Variants in SIRPA observed in about 807,000 individuals in gnomAD.
SIRPA encodes the protein signal regulatory protein alpha.
A neutral mutation model predicts 50.3 loss-of-function variants in SIRPA; 9 were observed. That is an observed-to-expected ratio of 0.18 (90% CI 0.11 to 0.31). The LOEUF (loss-of-function observed/expected upper bound fraction) is 0.31, where lower values mean the gene tolerates loss of function less well. SIRPA is among the 10% of genes least tolerant of loss of function. The probability of loss-of-function intolerance (pLI) is 1.00; values close to 1 mark genes in which losing one functional copy is unlikely to be tolerated. For synonymous variants in SIRPA, 265 were observed against 284.1 expected (o/e 0.93, Z 0.68); for missense variants, 474 against 661.6 (o/e 0.72, Z 3.11).
rs373689728 is a variant in SIRPA at position 1,937,624 on chromosome 20, G to A, written c.*56G>A. ...TCTACGCGCTTTCTTGTCCCACAGGGAGCCGCCGTGATGAGCACAGCCAAC... is the reference window on the plus strand; with the variant it reads ...TCTACGCGCTTTCTTGTCCCACAGGAAGCCGCCGTGATGAGCACAGCCAAC... On this transcript the variant is annotated 3_prime_UTR_variant, in exon 8 of 8. Transcript: ENST00000358771. This position sits in a 1 kb window ranked among gnomAD's most constrained non-coding sequence, Gnocchi z 8.3. 1.3e-6 allele frequency: 2 copies of A among 1,584,928 alleles called. No homozygotes were observed. Among genetic ancestry groups the A allele is most frequent in the East Asian group, 4.5e-5 (2 of 44,498 alleles).
chr20:1,904,165 C>T (rs114009384), intron 1 of SIRPA, among the ~76,000 whole-genome samples: 2,446 of 152,268 alleles, frequency 0.016, 71 homozygotes, highest in African/African-American at 0.055. Context: ...CCCTGCCCAT[C>T]AAGCTGTCAT....
At position 1,937,396 on chromosome 20, in the gene SIRPA, A is replaced by G; in HGVS notation, c.1343A>G (p.Asn448Ser). Reference sequence around the variant, plus strand: ...CCTGCTCCCCAGGCTGCGGAGCCCAACAACCACACGGAGTATGCCAGCATT... The same window carrying G: ...CCTGCTCCCCAGGCTGCGGAGCCCAGCAACCACACGGAGTATGCCAGCATT... Reference protein sequence around the residue: ...KKPAPQAAEPNNHTEYASIQT... With the variant: ...KKPAPQAAEPSNHTEYASIQT... The change falls in exon 8 of 8, where the codon AAC becomes AGC. Residue 448 changes from asparagine to serine, a missense_variant. This residue lies in a region of SIRPA where 180 missense variants were observed against 206.7 expected (regional missense o/e 0.87). Coordinates refer to ENST00000358771, the MANE Select transcript of SIRPA (RefSeq NM_001040023.2). This position sits in a 1 kb window ranked among gnomAD's most constrained non-coding sequence, Gnocchi z 8.3. 1.2e-6 allele frequency: 2 copies of G among 1,614,112 alleles called. No homozygotes were observed. The highest frequency in any genetic ancestry group is 2.2e-5 in the East Asian group (1 of 44,856).
chr20:1,895,665 A>G, intron 1 of SIRPA, 139 bp downstream of exon 1: 1 of 645,560 alleles, frequency 1.5e-6, no homozygotes, highest in Non-Finnish European at 2.3e-6. Context: ...ATAGATGCAG[A>G]AACTGAGGCC....
At position 1,934,491 on chromosome 20, in the gene SIRPA, A is replaced by G. The variant is rs41277148; in HGVS notation, c.1227-224A>G. 8.4e-3 allele frequency among the ~76,000 whole-genome samples: 1,273 copies of G among 152,292 alleles called. 5 individuals are homozygous for G. Among genetic ancestry groups the G allele is most frequent in the Non-Finnish European group, 0.014 (978 of 68,030 alleles). ...TTATAATTTTTAAAGATCCTTGCCA[A>G]TAGAGTAGGTTAAAAAAATGATAGT... is the stretch of plus-strand genomic sequence containing the variant. On this transcript the variant is annotated intron_variant, in intron 6 of 7. Transcript: ENST00000358771. This position sits in a 1 kb window ranked among gnomAD's most constrained non-coding sequence, Gnocchi z 4.6.
chr20:1,927,812 TA>T lies in SIRPA; in HGVS notation c.1202-62del. Reference sequence around the variant, plus strand: ...TGGAGGCAAACCTTTTGCCAAAAAATAGTTACATAAGAAAAGTGTGCTTCTA... The same window carrying T: ...TGGAGGCAAACCTTTTGCCAAAAAATGTTACATAAGAAAAGTGTGCTTCTA... On this transcript the variant is annotated intron_variant, in intron 5 of 7. Coordinates refer to ENST00000358771, the MANE Select transcript of SIRPA (RefSeq NM_001040023.2). This position sits in a 1 kb window ranked among gnomAD's most constrained non-coding sequence, Gnocchi z 6.5. The T allele has an allele frequency of 1.3e-6, 2 of 1,531,648 alleles. No individual in the cohort carries two copies. Among genetic ancestry groups the T allele is most frequent in the Non-Finnish European group, 1.8e-6 (2 of 1,104,840 alleles). The allele number at this position is 1,531,648 out of a possible 1,614,324, so 94.9% of individuals were successfully genotyped here.
rs1047034369 is a variant in SIRPA, at chr20:1,906,695, C to A, written c.80-8404C>A. Among the ~76,000 whole-genome samples, 7 of 152,090 alleles carry A rather than the reference C, an allele frequency of 4.6e-5. No homozygotes were observed. The East Asian group carries it at 1.4e-3, about 29-fold the overall frequency. On this transcript the variant is annotated intron_variant, in intron 1 of 7. Coordinates refer to ENST00000358771, the MANE Select transcript of SIRPA (RefSeq NM_001040023.2). ...GGGAGGGTTTTGCACAAAGGAGGAA[C>A]GTCACCTGACTTAGGTTTTAGAGGC...
intron 6 of SIRPA, among the ~76,000 whole-genome samples, chr20:1,929,906 G>A (rs1184900544): frequency 6.6e-6 from 1 of 152,044 alleles, no homozygotes; most frequent in Admixed American, 6.5e-5. Flanking sequence ...TGGGCCCCTT[G>A]TGGTCCAGTT....
At chr20:1,925,261 A>C (rs1424197818) in intron 5 of SIRPA, among the ~76,000 whole-genome samples, 1 of 152,214 alleles carries the variant, frequency 6.6e-6, no homozygotes, top group Non-Finnish European at 1.5e-5. Flanking sequence ...TTACATGACC[A>C]GTCCCTGGAC....
intron 2 of SIRPA, among the ~76,000 whole-genome samples, chr20:1,915,735 A>G (rs1315293659): frequency 1.3e-5 from 2 of 152,216 alleles, no homozygotes; most frequent in Non-Finnish European, 2.9e-5. Context: ...CATTCCACAG[A>G]TGAGGAAACT....
At chr20:1,899,601 C>A (rs1984043621) in intron 1 of SIRPA, among the ~76,000 whole-genome samples, 1 of 152,192 alleles carries the variant, frequency 6.6e-6, no homozygotes, top group African/African-American at 2.4e-5. Context: ...AAATGCCCTC[C>A]CTGTACCTCC....
In SIRPA at chr20:1,940,077, C is replaced by G. The variant is rs1242342672; in HGVS notation, c.*2509C>G. The G allele has an allele frequency of 2.0e-5, 3 of 152,210 alleles. No individual in the cohort carries two copies. The East Asian group carries it at 5.8e-4, about 29-fold the overall frequency. The allele number at this position is 152,210 out of a possible 1,614,324, so 9.4% of individuals were successfully genotyped here. A position where few individuals can be genotyped will look rare whatever the true frequency, so the allele number is the denominator to read the frequency against. ...CGTACAATTTTTGTTTGCCCTGGCT[C>G]AGAAGGAGCCGGTGTAAGGTTGAGA... On this transcript the variant is annotated 3_prime_UTR_variant, in exon 8 of 8. Coordinates refer to ENST00000358771, the MANE Select transcript of SIRPA (RefSeq NM_001040023.2).
Position 1,937,624 on chromosome 20 carries a change from G to GT in SIRPA, c.*56_*57insT. ...TCTACGCGCTTTCTTGTCCCACAGG[G>GT]AGCCGCCGTGATGAGCACAGCCAAC... On this transcript the variant is annotated 3_prime_UTR_variant, in exon 8 of 8. Transcript: ENST00000358771. This position sits in a 1 kb window ranked among gnomAD's most constrained non-coding sequence, Gnocchi z 8.3. 3.8e-6 allele frequency: 6 copies of GT among 1,585,046 alleles called. No individual in the cohort carries two copies. The highest frequency in any genetic ancestry group is 4.3e-6 in the Non-Finnish European group (5 of 1,163,464).
chr20:1,915,545 G>A, intron 2 of SIRPA, 90 bp downstream of exon 2: 1 of 1,466,568 alleles, frequency 6.8e-7, no homozygotes, highest in South Asian at 1.2e-5. Context: ...ATCAGGTGTG[G>A]TGGTAGGTGC....
chr20:1,930,935 T>G (rs1015047175), intron 6 of SIRPA, among the ~76,000 whole-genome samples: 7 of 152,228 alleles, frequency 4.6e-5, no homozygotes, highest in African/African-American at 1.7e-4. Context: ...GATTAGACAA[T>G]GAGTTTCTGG....
intron 2 of SIRPA, 46 bp downstream of exon 2, chr20:1,915,501 C>T: frequency 6.2e-7 from 1 of 1,600,780 alleles, no homozygotes; most frequent in Non-Finnish European, 8.6e-7. Context: ...GTGACAGTAA[C>T]TCAATAATAA....
chr20:1,894,837 G>A (rs868761826), upstream of SIRPA: 2 of 147,816 alleles, frequency 1.4e-5, no homozygotes, highest in East Asian at 3.9e-4. The surrounding 1 kb of genome is among the most constrained non-coding windows in gnomAD (Gnocchi z 4.0). Flanking sequence ...CCCGGGCGGC[G>A]GGAAGACGGG....
Position 1,928,013 on chromosome 20 carries a change from A to G in SIRPA, c.1226+114A>G. On this transcript the variant is annotated intron_variant, in intron 6 of 7. Transcript: ENST00000358771. The surrounding 1 kb of genome is among the most constrained non-coding windows in gnomAD (Gnocchi z 4.9). ...TGACCTCACCAATGTGTTGGTCAAC[A>G]TGTCTCTTTCTCTCCTTTGTAACCT... 1.1e-6 allele frequency: 1 copy of G among 889,140 alleles called. No individual in the cohort carries two copies. The highest frequency in any genetic ancestry group is 1.7e-5 in the Admixed American group (1 of 57,762). 55.1% of individuals were successfully genotyped at this position (889,140 alleles called of 1,614,324 possible).
rs6045560 is a variant in SIRPA, at chr20:1,939,948, C to T, written c.*2380C>T. The stretch of plus-strand genomic sequence containing the variant: ...TTGTGAGTGCGTCCCGGGGCCGCCT[C>T]GGGGCCTGCCTGCCCTCCTGCCAAA... On this transcript the variant is annotated 3_prime_UTR_variant, in exon 8 of 8. Transcript: ENST00000358771. This position sits in a 1 kb window ranked among gnomAD's most constrained non-coding sequence, Gnocchi z 4.7. The T allele has an allele frequency of 0.044, 6,710 of 152,592 alleles. 398 individuals are homozygous for T. Among genetic ancestry groups the T allele is most frequent in the African/African-American group, 0.13 (5,544 of 41,544 alleles). The allele number at this position is 152,592 out of a possible 1,614,324, so 9.5% of individuals were successfully genotyped here. A position where few individuals can be genotyped will look rare whatever the true frequency, so the allele number is the denominator to read the frequency against.
intron 2 of SIRPA, among the ~76,000 whole-genome samples, chr20:1,919,000 C>A (rs1375518568): frequency 1.3e-5 from 2 of 152,186 alleles, no homozygotes; most frequent in Admixed American, 6.5e-5. Context: ...CCTCACAGAC[C>A]AGGAGTTGGG....
Sources: allele counts gnomAD v4.1 joint callset (sites outside exome capture counted in the v4.1 genomes callset), GRCh38; gene constraint gnomAD v4.1.1; regional missense constraint gnomAD v4.1.1; non-coding constraint Gnocchi (gnomAD v3.1); transcripts MANE v1.5; gene names NCBI Gene and HGNC (gene_info 2026-07-23, HGNC 2026-07-21).